Variants in CCDC73 observed in about 807,000 individuals in gnomAD.
CCDC73 encodes coiled-coil domain containing 73.
Under a neutral mutation model 116.5 loss-of-function variants are expected in CCDC73, and 95 were observed. That is an observed-to-expected ratio of 0.82 (90% CI 0.69 to 0.97). The LOEUF is 0.97. Ranked by LOEUF, CCDC73 falls within the 50% of genes least tolerant of loss-of-function variation. The pLI is 0.00. For missense variants in CCDC73, 1,066 were observed against 1,206.8 expected (o/e 0.88, Z 1.73); for synonymous variants, 398 against 401.3 (o/e 0.99, Z 0.10).
intron 2 of CCDC73, among the ~76,000 whole-genome samples, chr11:32,746,003 G>A (rs1204976016): frequency 1.3e-5 from 2 of 152,124 alleles, no homozygotes; most frequent in Non-Finnish European, 2.9e-5. Context: ...ATTAATTGAT[G>A]TAGTTTCTTC....
chr11:32,778,193 T>A (rs924658563), intron 1 of CCDC73, among the ~76,000 whole-genome samples: 1 of 152,212 alleles, frequency 6.6e-6, no homozygotes, highest in Non-Finnish European at 1.5e-5. Flanking sequence ...TAAGACCTTG[T>A]TAGAAATGCA....
intron 9 of CCDC73, among the ~76,000 whole-genome samples, chr11:32,663,194 T>A (rs2133273274): frequency 6.6e-6 from 1 of 151,412 alleles, no homozygotes; most frequent in East Asian, 1.9e-4. Flanking sequence ...CCATATGAAC[T>A]TTAGTTTTTT....
At chr11:32,721,768 T>G (rs1849992181) in intron 2 of CCDC73, among the ~76,000 whole-genome samples, 1 of 151,944 alleles carries the variant, frequency 6.6e-6, no homozygotes. Flanking sequence ...CGGCTAATTT[T>G]TTGTATTTTT....
chr11:32,801,525 C>T, the CCDC73 span, among the ~76,000 whole-genome samples: 1 of 151,982 alleles, frequency 6.6e-6, no homozygotes, highest in South Asian at 2.1e-4. Flanking sequence ...CCTGTAGTCC[C>T]AGCTACTTGG....
chr11:32,674,414 A>G (rs376146667), intron 9 of CCDC73, among the ~76,000 whole-genome samples: 2 of 152,100 alleles, frequency 1.3e-5, no homozygotes, highest in African/African-American at 4.8e-5. Context: ...TCTTGTACCA[A>G]CTCTCCCTTT....
intron 5 of CCDC73, among the ~76,000 whole-genome samples, chr11:32,699,604 C>T (rs1365864002): frequency 6.6e-6 from 1 of 151,934 alleles, no homozygotes; most frequent in African/African-American, 2.4e-5. Context: ...AGCTGGAAAC[C>T]ATCATTCTCA....
chr11:32,695,795 C>T (rs1332732069), intron 6 of CCDC73, among the ~76,000 whole-genome samples: 1 of 139,448 alleles, frequency 7.2e-6, no homozygotes, highest in African/African-American at 2.6e-5. Context: ...AAAAAAAGAC[C>T]CTGGGCTGAA....
At chr11:32,633,931 A>G (rs1188621186) in intron 14 of CCDC73, among the ~76,000 whole-genome samples, 1 of 152,194 alleles carries the variant, frequency 6.6e-6, no homozygotes, top group Non-Finnish European at 1.5e-5. Flanking sequence ...CAACTTTGCT[A>G]GGAGGTCTTT....
chr11:32,774,912 A>G (rs985550515), intron 1 of CCDC73, among the ~76,000 whole-genome samples: 4 of 152,214 alleles, frequency 2.6e-5, no homozygotes, highest in African/African-American at 9.6e-5. Flanking sequence ...CAAAGTGCCT[A>G]TAAAAATACA....
upstream of CCDC73, among the ~76,000 whole-genome samples, chr11:32,797,817 C>T (rs181798616): frequency 2.2e-4 from 34 of 152,282 alleles, no homozygotes; most frequent in East Asian, 4.2e-3. Context: ...CATTTGACCT[C>T]TCTGTGCCTC....
chr11:32,826,697 C>T, the CCDC73 span, among the ~76,000 whole-genome samples: 1 of 147,076 alleles, frequency 6.8e-6, no homozygotes, highest in Non-Finnish European at 1.5e-5. Context: ...CAAGCTACTA[C>T]TTGGCCGATG....
At chr11:32,804,301 G>A in the CCDC73 span, among the ~76,000 whole-genome samples, 50 of 152,118 alleles carry the variant, frequency 3.3e-4, no homozygotes, top group African/African-American at 1.1e-3. Flanking sequence ...ACAACGCTCC[G>A]CTAATTTTTG....
intron 9 of CCDC73, among the ~76,000 whole-genome samples, chr11:32,667,107 G>T (rs1855991635): frequency 1.3e-5 from 2 of 152,236 alleles, no homozygotes; most frequent in African/African-American, 4.8e-5. Flanking sequence ...CTACTCGGAG[G>T]TCAGGGACCC....
At chr11:32,783,066 T>A (rs1404785758) in intron 1 of CCDC73, among the ~76,000 whole-genome samples, 2 of 151,828 alleles carry the variant, frequency 1.3e-5, no homozygotes, top group Non-Finnish European at 2.9e-5. Context: ...TAACTTCACA[T>A]ATTAAAAGAA....
Position 32,602,910 on chromosome 11 carries a change from T to C in CCDC73, c.3141A>G (p.Gln1047=), listed in dbSNP as rs781455457. ...TTAGTAAATTTTCACTTTTATTTAG[T>C]TGATTCGTAATGAGGCTCTGCCAGT... is the stretch of plus-strand genomic sequence containing the variant. The part of the protein sequence containing the change: ...DDDWQSLITN[Q]LNKSENLLSL... The change falls in exon 18 of 18, where the codon CAA becomes CAG. Residue 1047 remains glutamine, a synonymous_variant. Coordinates refer to ENST00000335185, the MANE Select transcript of CCDC73 (RefSeq NM_001008391.4). 6.2e-7 allele frequency: 1 copy of C among 1,612,670 alleles called. No homozygotes were observed.
intron 12 of CCDC73, among the ~76,000 whole-genome samples, chr11:32,646,399 A>T (rs1309255060): frequency 6.6e-6 from 1 of 152,204 alleles, no homozygotes; most frequent in Non-Finnish European, 1.5e-5. Flanking sequence ...TTGATAAAGG[A>T]GGCATAGGGT....
In CCDC73 at chr11:32,603,026, A is replaced by C. The variant is rs1177205447; in HGVS notation, c.3031-6T>G. 6 of 1,581,938 alleles carry C rather than the reference A, an allele frequency of 3.8e-6. No homozygotes were observed. The East Asian group carries it at 1.3e-4, about 35-fold the overall frequency. On this transcript the variant is annotated splice_polypyrimidine_tract_variant and splice_region_variant and intron_variant, in intron 17 of 17. Transcript: ENST00000335185. ...ATCAGAGGCTTTGTTTTCACCTGGGAAAGATAAACTAATTTTACCTTCGAA... is the reference window on the plus strand; with the variant it reads ...ATCAGAGGCTTTGTTTTCACCTGGGCAAGATAAACTAATTTTACCTTCGAA...
intron 3 of CCDC73, among the ~76,000 whole-genome samples, chr11:32,714,571 C>G (rs539985920): frequency 6.6e-6 from 1 of 152,142 alleles, no homozygotes; most frequent in African/African-American, 2.4e-5. Context: ...AGTAGCTAAC[C>G]CCTGGGGAAT....
chr11:32,617,148 T>C (rs1195532836), intron 14 of CCDC73, among the ~76,000 whole-genome samples: 1 of 152,114 alleles, frequency 6.6e-6, no homozygotes, highest in Non-Finnish European at 1.5e-5. Flanking sequence ...TGAGGTAAGC[T>C]GGGCCGAGGT....
Sources: allele counts gnomAD v4.1 joint callset (sites outside exome capture counted in the v4.1 genomes callset), GRCh38; gene constraint gnomAD v4.1.1; transcripts MANE v1.5; gene names NCBI Gene and HGNC (gene_info 2026-07-23, HGNC 2026-07-21).